Variants in HYDIN observed in about 807,000 individuals in gnomAD.
The protein encoded by HYDIN is HYDIN axonemal central pair apparatus protein.
HYDIN carries 132 observed loss-of-function variants against 403.9 expected under a neutral mutation model. The observed-to-expected ratio is 0.33, with a 90% CI of 0.28 to 0.38. HYDIN has a LOEUF of 0.38. Ranked by LOEUF, HYDIN falls within the 10% of genes least tolerant of loss-of-function variation. The pLI is 1.00. For synonymous variants in HYDIN, 1,202 were observed against 1,891.7 expected, an observed-to-expected ratio of 0.64 and a Z score of 9.46; for missense variants, 2,827 against 5,009.5, an observed-to-expected ratio of 0.56 and a Z score of 13.15.
intron 5 of HYDIN, among the ~76,000 whole-genome samples, chr16:71,164,498 C>T (rs1038969566): frequency 1.5e-4 from 1 of 6,610 alleles, no homozygotes; most frequent in Non-Finnish European, 3.2e-4. Context: ...CACGGTCCTC[C>T]TCCAGCTCAC....
intron 30 of HYDIN, among the ~76,000 whole-genome samples, chr16:70,977,528 TC>T (rs1233360287): frequency 6.6e-6 from 1 of 151,168 alleles, no homozygotes; most frequent in African/African-American, 2.4e-5. Context: ...GCTTCCTGTC[TC>T]CCCCATGACA....
intron 18 of HYDIN, among the ~76,000 whole-genome samples, chr16:71,037,768 G>A (rs537955268): frequency 6.6e-6 from 1 of 152,360 alleles, no homozygotes; most frequent in Non-Finnish European, 1.5e-5. Flanking sequence ...GGGGGGCCCA[G>A]TAGTGGATCT....
chr16:70,941,760 A>C lies in HYDIN; in HGVS notation c.6729T>G (p.Asn2243Lys). 1 of 1,593,044 alleles carries C rather than the reference A, an allele frequency of 6.3e-7. No individual in the cohort carries two copies. Among genetic ancestry groups the C allele is most frequent in the Non-Finnish European group, 8.5e-7 (1 of 1,170,958 alleles). ...GCAGGCAGAGGAGGGCGGCTGCAGCATTCTGAGCAAAGAGAGTGTCGAGGC... is the reference window on the plus strand; with the variant it reads ...GCAGGCAGAGGAGGGCGGCTGCAGCCTTCTGAGCAAAGAGAGTGTCGAGGC... ...FDGLDTLFAQ[N>K]AAAALLCLLK... Residue 2243 changes from asparagine (N) to lysine (K), a missense_variant, in exon 43 of 86, where the codon AAT (asparagine) becomes AAG (lysine). Transcript: ENST00000393567.
intron 47 of HYDIN, among the ~76,000 whole-genome samples, chr16:70,915,991 A>G (rs1209957604): frequency 6.6e-6 from 1 of 152,228 alleles, no homozygotes; most frequent in Non-Finnish European, 1.5e-5. Context: ...TACTCCCACC[A>G]TGCCCCCACC....
intron 75 of HYDIN, among the ~76,000 whole-genome samples, chr16:70,846,004 A>T (rs1306724194): frequency 6.6e-6 from 1 of 150,822 alleles, no homozygotes; most frequent in East Asian, 1.9e-4. Flanking sequence ...TCCTGGATTC[A>T]TTAATTTTTT....
At chr16:70,828,972 C>CT (rs1199810035) in intron 81 of HYDIN, among the ~76,000 whole-genome samples, 4 of 117,090 alleles carry the variant, frequency 3.4e-5, no homozygotes, top group African/African-American at 1.0e-4. Context: ...ATTGTGGCCA[C>CT]TTTTTTTTTG....
intron 36 of HYDIN, among the ~76,000 whole-genome samples, chr16:70,968,029 AT>A (rs1250010272): frequency 1.5e-5 from 2 of 134,456 alleles, no homozygotes; most frequent in Non-Finnish European, 3.2e-5. Flanking sequence ...ATGTGTTATG[AT>A]TTTTTTCCCC....
intron 52 of HYDIN, among the ~76,000 whole-genome samples, chr16:70,903,302 C>T (rs112037172): frequency 0.022 from 3,021 of 138,762 alleles, 61 homozygotes; most frequent in Middle Eastern, 0.039. Flanking sequence ...AGATTCTTAA[C>T]CTCTTGGGCA....
rs755013661 is a variant in HYDIN, at chr16:70,920,689, CCTT to C, written c.7684_7686del (p.Lys2562del). The C allele has an allele frequency of 2.6e-5, 42 of 1,611,174 alleles. No individual in the cohort carries two copies. The African/African-American group carries it at 5.3e-4, about 20-fold the overall frequency. On this transcript the variant is annotated inframe_deletion, in exon 46 of 86. Transcript: ENST00000393567. ...ATGTCTAGGAAGGGTACGCCCAGGT[CCTT>C]CTCCTTCTTCCCTTCGTGGTCCTCC...
In HYDIN at chr16:71,098,806, T is replaced by C. The variant is rs1279832297; in HGVS notation, c.1328-4871A>G. Among the ~76,000 whole-genome samples the C allele has an allele frequency of 3.3e-5, 5 of 149,624 alleles. No homozygotes were observed. The East Asian group carries it at 9.8e-4, about 29-fold the overall frequency. On this transcript the variant is annotated intron_variant, in intron 10 of 85. Transcript: ENST00000393567. Reference sequence around the variant, plus strand: ...GAGCCAATGTTTCTTTGGTAGTTATTAATTACTTCAAAGGAGTTTGTCTTA... The same window carrying C: ...GAGCCAATGTTTCTTTGGTAGTTATCAATTACTTCAAAGGAGTTTGTCTTA...
intron 5 of HYDIN, among the ~76,000 whole-genome samples, chr16:71,171,230 G>T (rs1341551935): frequency 2.0e-5 from 3 of 152,096 alleles, no homozygotes; most frequent in Admixed American, 2.0e-4. Flanking sequence ...TCAGATATTT[G>T]CACGGCTTAA....
At chr16:71,137,727 G>A (rs1343432404) in intron 7 of HYDIN, among the ~76,000 whole-genome samples, 6 of 151,972 alleles carry the variant, frequency 3.9e-5, no homozygotes, top group Admixed American at 1.3e-4. Flanking sequence ...AGCTTGATTT[G>A]TCATTCTTAA....
At chr16:70,839,911 G>A (rs1257644215) in intron 76 of HYDIN, among the ~76,000 whole-genome samples, 153 bp downstream of exon 76, 1 of 148,818 alleles carries the variant, frequency 6.7e-6, no homozygotes, top group Non-Finnish European at 1.5e-5. Flanking sequence ...TTAGTTATGG[G>A]GACAGGGACC....
chr16:70,923,647 C>CAAA (rs57860871), intron 45 of HYDIN, among the ~76,000 whole-genome samples: 18 of 69,290 alleles, frequency 2.6e-4, no homozygotes, highest in African/African-American at 1.0e-3. Flanking sequence ...CTAAAAAATA[C>CAAA]AAAAAAAAAA....
At chr16:71,090,676 G>GTT (rs5817747) in intron 11 of HYDIN, among the ~76,000 whole-genome samples, 33 of 149,226 alleles carry the variant, frequency 2.2e-4, no homozygotes, top group East Asian at 1.0e-3. Flanking sequence ...ATTTTTGTGG[G>GTT]TTTTTTTTTG....
rs562643226 is a variant in HYDIN at position 70,877,422 on chromosome 16, T to G, written c.10557+1875A>C. 1.9e-3 allele frequency among the ~76,000 whole-genome samples: 285 copies of G among 152,092 alleles called. 2 individuals carry two copies. The highest frequency in any genetic ancestry group is 6.4e-3 in the African/African-American group (266 of 41,436). On this transcript the variant is annotated intron_variant, in intron 62 of 85. Coordinates refer to ENST00000393567, the MANE Select transcript of HYDIN (RefSeq NM_001270974.2). ...CATAGTAAAACTGTAGAAAACAAAG[T>G]GAAAAGGTAAAAGGCAGTCAGAAAA...
chr16:71,218,740 T>C (rs1342430493), intron 1 of HYDIN, among the ~76,000 whole-genome samples: 1 of 152,236 alleles, frequency 6.6e-6, no homozygotes, highest in South Asian at 2.1e-4. Context: ...TATTAATTAG[T>C]ATTCTTAGAG....
chr16:70,892,552 C>A, intron 55 of HYDIN, 23 bp from the exon 56 acceptor site: 1 of 1,594,894 alleles, frequency 6.3e-7, no homozygotes, highest in African/African-American at 1.4e-5. Context: ...AATAAGAAGT[C>A]AGCCTAGGTC....
intron 29 of HYDIN, among the ~76,000 whole-genome samples, chr16:70,979,838 C>G (rs1342306179): frequency 6.6e-6 from 1 of 152,096 alleles, no homozygotes; most frequent in Non-Finnish European, 1.5e-5. Flanking sequence ...GCATGAGAAT[C>G]GCTTGAGCCC....
Sources: allele counts gnomAD v4.1 joint callset (sites outside exome capture counted in the v4.1 genomes callset), GRCh38; gene constraint gnomAD v4.1.1; transcripts MANE v1.5; gene names NCBI Gene and HGNC (gene_info 2026-07-23, HGNC 2026-07-21).